LRRC4C: variants seen among roughly 807,000 people sequenced by gnomAD.
The protein encoded by LRRC4C is leucine-rich repeat-containing protein 4C.
In LRRC4C, 5 loss-of-function variants were observed where a neutral mutation model predicts 33.6. That is an observed-to-expected ratio of 0.15 (90% confidence interval 0.08 to 0.31). The LOEUF is 0.31. Among genes scored for constraint, LRRC4C ranks in the 10% least tolerant of loss-of-function variants. LRRC4C has a pLI of 1.00. For synonymous variants in LRRC4C, 329 were observed against 302.0 expected, an observed-to-expected ratio of 1.09 and a Z score of -0.93; for missense variants, 560 against 796.7, an observed-to-expected ratio of 0.70 and a Z score of 3.58.
chr11:41,386,157 CTAGT>C (rs1378772218), intron 1 of LRRC4C, among the ~76,000 whole-genome samples: 1 of 151,452 alleles, frequency 6.6e-6, no homozygotes, highest in Non-Finnish European at 1.5e-5. Context: ...TTACCAGCAA[CTAGT>C]TAAATGCTTT....
intron 2 of LRRC4C, among the ~76,000 whole-genome samples, chr11:40,838,819 A>G (rs1221270934): frequency 6.6e-6 from 1 of 152,072 alleles, no homozygotes; most frequent in Non-Finnish European, 1.5e-5. Context: ...GCTGAAAGTT[A>G]TTCATCATGA....
At chr11:40,631,065 G>T (rs185310378) in intron 3 of LRRC4C, among the ~76,000 whole-genome samples, 1 of 152,320 alleles carries the variant, frequency 6.6e-6, no homozygotes, top group East Asian at 1.9e-4. Flanking sequence ...TTCCTTTAGA[G>T]AATAGTGGGA....
At chr11:41,243,447 A>T (rs1255315279) in intron 1 of LRRC4C, among the ~76,000 whole-genome samples, 3 of 152,220 alleles carry the variant, frequency 2.0e-5, no homozygotes, top group African/African-American at 7.2e-5. Context: ...AACTATTGAT[A>T]ACTATTCTTC....
intron 3 of LRRC4C, among the ~76,000 whole-genome samples, chr11:40,452,008 C>G (rs1275063933): frequency 6.6e-6 from 1 of 152,104 alleles, no homozygotes; most frequent in Non-Finnish European, 1.5e-5. Flanking sequence ...TCGCCTCACC[C>G]AGGAAGTGCA....
intron 1 of LRRC4C, among the ~76,000 whole-genome samples, chr11:41,267,849 T>C (rs1320564192): frequency 6.6e-6 from 1 of 152,122 alleles, no homozygotes; most frequent in Non-Finnish European, 1.5e-5. Flanking sequence ...ATGTAATGCC[T>C]GAAATGTAAG....
intron 1 of LRRC4C, among the ~76,000 whole-genome samples, chr11:41,169,810 T>A (rs372998153): frequency 3.3e-5 from 5 of 152,160 alleles, no homozygotes; most frequent in African/African-American, 1.2e-4. Context: ...ATACTTTCAA[T>A]TCCCCCTTTC....
chr11:41,071,602 G>C (rs902775372), intron 1 of LRRC4C, among the ~76,000 whole-genome samples: 15 of 152,146 alleles, frequency 9.9e-5, no homozygotes, highest in Non-Finnish European at 1.5e-5. Context: ...GGTTACCCAA[G>C]AGCTCTGATA....
intron 5 of LRRC4C, among the ~76,000 whole-genome samples, chr11:40,153,608 T>A (rs1259515077): frequency 6.6e-6 from 1 of 151,486 alleles, no homozygotes; most frequent in Non-Finnish European, 1.5e-5. Context: ...CAATAAAAAA[T>A]TCAGGAATCT....
intron 5 of LRRC4C, among the ~76,000 whole-genome samples, chr11:40,216,194 TTGGGG>T (rs1169623698): frequency 2.0e-4 from 31 of 152,286 alleles, no homozygotes; most frequent in Non-Finnish European, 4.0e-4. Flanking sequence ...CACTCACTAC[TTGGGG>T]TAAAGTTTTT....
At chr11:41,293,798 C>G (rs556073253) in intron 1 of LRRC4C, among the ~76,000 whole-genome samples, 1 of 151,986 alleles carries the variant, frequency 6.6e-6, no homozygotes, top group Non-Finnish European at 1.5e-5. Flanking sequence ...GGTTTCACCA[C>G]GTATGCCAGG....
At chr11:40,726,886 C>T (rs1947312765) in intron 2 of LRRC4C, among the ~76,000 whole-genome samples, 1 of 151,754 alleles carries the variant, frequency 6.6e-6, no homozygotes, top group Admixed American at 6.6e-5. Flanking sequence ...GCTCCTCGGC[C>T]TGATAAATAA....
At chr11:41,010,566 C>T (rs941972406) in intron 1 of LRRC4C, among the ~76,000 whole-genome samples, 1 of 152,132 alleles carries the variant, frequency 6.6e-6, no homozygotes, top group Non-Finnish European at 1.5e-5. Flanking sequence ...GGATAACATG[C>T]TGTGAAACAA....
chr11:41,068,074 A>C (rs1033717049), intron 1 of LRRC4C, among the ~76,000 whole-genome samples: 1 of 152,168 alleles, frequency 6.6e-6, no homozygotes, highest in Non-Finnish European at 1.5e-5. Context: ...GAACTGAAGG[A>C]GAAAGAGATA....
intron 2 of LRRC4C, among the ~76,000 whole-genome samples, chr11:40,801,045 G>A (rs553752889): frequency 2.8e-4 from 42 of 151,974 alleles, no homozygotes; most frequent in African/African-American, 6.3e-4. Flanking sequence ...ATTATATTCC[G>A]CACTCTAAGT....
intron 3 of LRRC4C, among the ~76,000 whole-genome samples, chr11:40,444,962 A>T (rs1951564326): frequency 6.6e-6 from 1 of 152,142 alleles, no homozygotes; most frequent in African/African-American, 2.4e-5. Flanking sequence ...TCTCTTCAAT[A>T]CATTTCTTCT....
intron 6 of LRRC4C, among the ~76,000 whole-genome samples, chr11:40,134,076 A>T (rs1261721406): frequency 1.2e-4 from 18 of 152,252 alleles, no homozygotes; most frequent in Non-Finnish European, 2.9e-5. Flanking sequence ...AGGAACATAC[A>T]CTAACAGAGC....
At chr11:40,185,028 A>T (rs975422147) in intron 5 of LRRC4C, among the ~76,000 whole-genome samples, 1 of 152,194 alleles carries the variant, frequency 6.6e-6, no homozygotes, top group Non-Finnish European at 1.5e-5. Flanking sequence ...CTTACAAGGG[A>T]AACCATCAGT....
At chr11:40,630,407 T>G (rs919281622) in intron 3 of LRRC4C, among the ~76,000 whole-genome samples, 1 of 125,404 alleles carries the variant, frequency 8.0e-6, no homozygotes, top group Non-Finnish European at 1.7e-5. Context: ...CCTCTTCCTA[T>G]TCCTCTTCTT....
At chr11:40,776,565 T>C (rs1015415898) in intron 2 of LRRC4C, among the ~76,000 whole-genome samples, 1 of 152,132 alleles carries the variant, frequency 6.6e-6, no homozygotes, top group Non-Finnish European at 1.5e-5. Context: ...TTATGTGGGA[T>C]CAGTTGGAAT....
Sources: allele counts gnomAD v4.1 joint callset (sites outside exome capture counted in the v4.1 genomes callset), GRCh38; gene constraint gnomAD v4.1.1; transcripts MANE v1.5; gene names NCBI Gene and HGNC (gene_info 2026-07-23, HGNC 2026-07-21).